Variants in CCDC32 observed in about 807,000 individuals in gnomAD.
The protein encoded by CCDC32 is coiled-coil domain-containing protein 32.
A neutral mutation model predicts 20.1 loss-of-function variants in CCDC32; 9 were observed. That is an observed-to-expected ratio of 0.45 (90% CI 0.27 to 0.78). The LOEUF (loss-of-function observed/expected upper bound fraction) is 0.78. Ranked by LOEUF, CCDC32 falls within the 30% of genes least tolerant of loss-of-function variation. The pLI is 0.16. For synonymous variants in CCDC32, 63 were observed against 79.0 expected (o/e 0.80, Z 1.07); for missense variants, 204 against 215.5 (o/e 0.95, Z 0.33).
chr15:40,539,851 C>CACACAT (rs1889306372), intron 3 of CCDC32, among the ~76,000 whole-genome samples: 1 of 150,314 alleles, frequency 6.7e-6, no homozygotes, highest in Non-Finnish European at 1.5e-5. Flanking sequence ...CACACACACA[C>CACACAT]ACACACACAC....
At chr15:40,552,342 G>A (rs181276495), downstream of CCDC32, among the ~76,000 whole-genome samples, 10 of 151,652 alleles carry the variant, frequency 6.6e-5, no homozygotes, top group Non-Finnish European at 1.0e-4. Context: ...TTAGCCGGGC[G>A]TGGTGGTGCA....
chr15:40,558,586 G>A (rs963136859), intron 2 of CCDC32, among the ~76,000 whole-genome samples: 2 of 151,986 alleles, frequency 1.3e-5, no homozygotes, highest in East Asian at 1.9e-4. Flanking sequence ...AGTATGCTGA[G>A]TCCCTGGTCA....
downstream of CCDC32, among the ~76,000 whole-genome samples, chr15:40,549,208 A>C (rs563767002): frequency 6.6e-6 from 1 of 151,612 alleles, no homozygotes; most frequent in Admixed American, 6.6e-5. Context: ...CCCACAATAA[A>C]CTCCAAACTC....
At chr15:40,522,081 C>T in the CCDC32 span, among the ~76,000 whole-genome samples, 2 of 152,028 alleles carry the variant, frequency 1.3e-5, no homozygotes, top group African/African-American at 4.8e-5. Flanking sequence ...TATGGTTTCT[C>T]CAAAGTAATG....
intron 3 of CCDC32, among the ~76,000 whole-genome samples, chr15:40,556,452 C>T (rs1890242597): frequency 1.3e-5 from 2 of 152,230 alleles, no homozygotes; most frequent in Non-Finnish European, 1.5e-5. Flanking sequence ...CCCTCCATGA[C>T]ACCAAGCACA....
chr15:40,541,495 C>T lies in CCDC32; in HGVS notation c.402-2140G>A, dbSNP rs555229711. Among the ~76,000 whole-genome samples, 10 of 152,268 alleles carry T rather than the reference C, an allele frequency of 6.6e-5. No homozygotes were observed. In the South Asian group the frequency reaches 2.1e-3, roughly 32 times the overall value. On this transcript the variant is annotated intron_variant, in intron 3 of 3. Transcript: ENST00000558113. ...CTATGGGCACACACCACCAACCCGG[C>T]TAATTTTTGTATTTTTAGTAGAGAC...
chr15:40,529,625 G>A (rs984708653), intron 3 of CCDC32: 1 of 150,798 alleles, frequency 6.6e-6, no homozygotes, highest in Non-Finnish European at 1.5e-5. Context: ...GATTAGCATG[G>A]CCCCTGCGCA....
At chr15:40,530,579 G>T (rs186389502), downstream of CCDC32, among the ~76,000 whole-genome samples, 80 of 150,122 alleles carry the variant, frequency 5.3e-4, no homozygotes, top group African/African-American at 1.3e-3. Context: ...GACACACTAG[G>T]TCCGCTTTGC....
downstream of CCDC32, chr15:40,535,410 G>T: frequency 5.0e-6 from 5 of 1,002,166 alleles, no homozygotes; most frequent in Non-Finnish European, 5.9e-6. Context: ...ACCCTTTGCA[G>T]TTCAAAAAGT....
At chr15:40,563,824 T>C (rs1472386672) in intron 1 of CCDC32, among the ~76,000 whole-genome samples, 2 of 93,340 alleles carry the variant, frequency 2.1e-5, no homozygotes, top group African/African-American at 6.4e-5. Context: ...CTTTCTTTCT[T>C]TCTTTTTTTT....
chr15:40,528,556 G>A, downstream of CCDC32: 1 of 565,230 alleles, frequency 1.8e-6, no homozygotes, highest in Non-Finnish European at 3.1e-6. Flanking sequence ...TTGGGCATGA[G>A]GTAGAGGCTG....
At chr15:40,559,697 T>C (rs1890491439) in intron 2 of CCDC32, among the ~76,000 whole-genome samples, 1 of 152,240 alleles carries the variant, frequency 6.6e-6, no homozygotes, top group South Asian at 2.1e-4. Flanking sequence ...TTCTTAGCTA[T>C]CATGCAAGCT....
downstream of CCDC32, among the ~76,000 whole-genome samples, chr15:40,530,447 A>T (rs1298456770): frequency 7.3e-5 from 11 of 150,624 alleles, no homozygotes; most frequent in Admixed American, 4.6e-4. Flanking sequence ...CTGGTTGTTT[A>T]AAAGAGCCTG....
At chr15:40,554,901 A>G (rs1890136926) in intron 3 of CCDC32, among the ~76,000 whole-genome samples, 1 of 152,240 alleles carries the variant, frequency 6.6e-6, no homozygotes, top group South Asian at 2.1e-4. Context: ...GTCTTAACCC[A>G]AGAAAGAATA....
intron 3 of CCDC32, among the ~76,000 whole-genome samples, chr15:40,547,672 T>A (rs1213845730): frequency 6.6e-6 from 1 of 152,180 alleles, no homozygotes; most frequent in Non-Finnish European, 1.5e-5. Context: ...AGTTTTGCTT[T>A]TATTCCTCCC....
At chr15:40,532,059 C>T (rs1337189939), downstream of CCDC32, 2 of 432,236 alleles carry the variant, frequency 4.6e-6, no homozygotes. Flanking sequence ...CACGAAGATG[C>T]CAACCGTACT....
chr15:40,564,632 C>A (rs1350280269), intron 1 of CCDC32: 3 of 1,254,590 alleles, frequency 2.4e-6, no homozygotes, highest in Middle Eastern at 3.8e-4. Context: ...GGAGACAGAG[C>A]CCAGCCAGCG....
At chr15:40,557,032 G>C (rs1890287555) in intron 3 of CCDC32, 184 bp downstream of exon 3, 1 of 576,988 alleles carries the variant, frequency 1.7e-6, no homozygotes, top group South Asian at 2.9e-5. Context: ...CAAGTTCATT[G>C]CATACTTAAA....
the CCDC32 span, among the ~76,000 whole-genome samples, chr15:40,521,022 A>G: frequency 6.6e-6 from 1 of 152,248 alleles, no homozygotes; most frequent in Admixed American, 6.5e-5. Flanking sequence ...TTTACTATTC[A>G]TTAAGTGGAA....
Sources: gnomAD v4.1 joint callset for allele counts (sites outside exome capture counted in the v4.1 genomes callset) on GRCh38, gnomAD v4.1.1 for gene constraint, MANE v1.5 for transcripts, NCBI Gene and HGNC (gene_info 2026-07-23, HGNC 2026-07-21) for gene names.